Variants in ZNF248 observed in about 807,000 individuals in gnomAD.
ZNF248 encodes the protein zinc finger protein 248.
ZNF248 carries 20 observed loss-of-function variants against 44.3 expected under a neutral mutation model. The observed-to-expected ratio is 0.45, with a 90% CI of 0.32 to 0.66. The LOEUF (loss-of-function observed/expected upper bound fraction) is 0.66, where lower values mean the gene tolerates loss of function less well. Among genes scored for constraint, ZNF248 ranks in the 30% least tolerant of loss-of-function variants. ZNF248 has a pLI of 0.04. For synonymous variants in ZNF248, 224 were observed against 229.0 expected, an observed-to-expected ratio of 0.98 and a Z score of 0.20; for missense variants, 654 against 677.0, an observed-to-expected ratio of 0.97 and a Z score of 0.38.
chr10:37,769,544 C>G, the ZNF248 span, among the ~76,000 whole-genome samples: 1 of 152,136 alleles, frequency 6.6e-6, no homozygotes, highest in Non-Finnish European at 1.5e-5. Flanking sequence ...TCAATAGATG[C>G]AGAAAAGGCC....
At chr10:37,788,395 T>A (rs895745689) in intron 6 of ZNF248, among the ~76,000 whole-genome samples, 1 of 150,790 alleles carries the variant, frequency 6.6e-6, no homozygotes, top group Non-Finnish European at 1.5e-5. Context: ...CTGAGGCAGG[T>A]GGATCACCTG....
rs1048229125 is a variant in ZNF248 at position 37,837,609 on chromosome 10, T to C, written c.238+8A>G. The C allele has an allele frequency of 6.2e-7, 1 of 1,611,598 alleles. No individual in the cohort carries two copies. The highest frequency in any genetic ancestry group is 8.5e-7 in the Non-Finnish European group (1 of 1,178,640). On this transcript the variant is annotated splice_region_variant and intron_variant, in intron 5 of 5. Coordinates refer to ENST00000395867, the MANE Select transcript of ZNF248 (RefSeq NM_021045.3). ...CTGGCTTTCATCTGCCAGAAATCAC[T>C]AACTCACCTGGGTGGCACTGGCTTG...
chr10:37,829,777 T>A lies in ZNF248; in HGVS notation c.*1838A>T, dbSNP rs2055128240. 1.0e-6 allele frequency: 1 copy of A among 985,296 alleles called. No homozygotes were observed. Among genetic ancestry groups the A allele is most frequent in the Non-Finnish European group, 1.2e-6 (1 of 829,938 alleles). 61.0% of individuals were successfully genotyped at this position (985,296 alleles called of 1,614,324 possible). On this transcript the variant is annotated 3_prime_UTR_variant, in exon 6 of 6. Transcript: ENST00000395867. ...CTTCTCATGTCATGACAATGTTGTA[T>A]CAAGGAGATCTTTCCCAGAAGTACT... is the stretch of plus-strand genomic sequence containing the variant.
chr10:37,795,290 G>C (rs1449328830), intron 6 of ZNF248: 2 of 152,082 alleles, frequency 1.3e-5, no homozygotes, highest in Non-Finnish European at 2.9e-5. Flanking sequence ...AGTAACCAAA[G>C]GTCTTCCCAA....
intron 3 of ZNF248, among the ~76,000 whole-genome samples, chr10:37,851,352 T>TTC (rs1368830880): frequency 6.6e-5 from 10 of 152,180 alleles, no homozygotes; most frequent in Non-Finnish European, 1.2e-4. Flanking sequence ...GGAATCTACA[T>TTC]TAATTAGCTT....
At chr10:37,812,091 G>A (rs2051603390) in intron 6 of ZNF248, among the ~76,000 whole-genome samples, 2 of 151,924 alleles carry the variant, frequency 1.3e-5, no homozygotes, top group Non-Finnish European at 1.5e-5. Context: ...ACAAAAATTA[G>A]CCGGTCATGG....
chr10:37,856,802 G>A, intron 1 of ZNF248: 1 of 846,218 alleles, frequency 1.2e-6, no homozygotes, highest in Non-Finnish European at 1.4e-6. Context: ...ATCTTTTAAT[G>A]AGAAACTGTG....
chr10:37,769,167 A>C, the ZNF248 span, among the ~76,000 whole-genome samples: 1 of 152,220 alleles, frequency 6.6e-6, no homozygotes, highest in Non-Finnish European at 1.5e-5. Flanking sequence ...AACCAGAAGG[A>C]ATCACAGCCG....
intron 5 of ZNF248, among the ~76,000 whole-genome samples, chr10:37,836,771 TACACACACACAC>T (rs72082671): frequency 0.06 from 8,976 of 148,468 alleles, 334 homozygotes; most frequent in Middle Eastern, 0.099. Flanking sequence ...CACAGACATG[TACACACACACAC>T]ACACACACAC....
chr10:37,823,996 A>G (rs543398410), downstream of ZNF248, among the ~76,000 whole-genome samples: 7 of 152,298 alleles, frequency 4.6e-5, no homozygotes, highest in Middle Eastern at 3.4e-3. Context: ...AGTTTTCCAG[A>G]AAAATTGAAC....
chr10:37,828,649 GA>G, downstream of ZNF248: 2 of 981,296 alleles, frequency 2.0e-6, no homozygotes, highest in Non-Finnish European at 2.4e-6. Flanking sequence ...TCTATTACTA[GA>G]AGAATGCAGA....
At chr10:37,795,085 T>A (rs1376497583) in intron 6 of ZNF248, 1 of 152,268 alleles carries the variant, frequency 6.6e-6, no homozygotes, top group Non-Finnish European at 1.5e-5. Flanking sequence ...GTTTCTCTAC[T>A]GTGTCAATTC....
chr10:37,813,412 C>T (rs149180046), intron 6 of ZNF248, among the ~76,000 whole-genome samples: 3 of 152,096 alleles, frequency 2.0e-5, no homozygotes, highest in East Asian at 1.9e-4. Flanking sequence ...AGTTATACCA[C>T]GTGTGTTTGC....
At position 37,831,175 on chromosome 10, in the gene ZNF248, T is replaced by A; in HGVS notation, c.*440A>T. The A allele has an allele frequency of 1.3e-6, 2 of 1,531,762 alleles. No homozygotes were observed. Among genetic ancestry groups the A allele is most frequent in the Non-Finnish European group, 1.8e-6 (2 of 1,137,372 alleles). 94.9% of individuals were successfully genotyped at this position (1,531,762 alleles called of 1,614,324 possible). On this transcript the variant is annotated 3_prime_UTR_variant, in exon 6 of 6. Coordinates refer to ENST00000395867, the MANE Select transcript of ZNF248 (RefSeq NM_021045.3). ...GGTACGTATCTTCTCCTTATGATCA[T>A]GTTGAGTTCCAATATACAAATCAAG...
chr10:37,776,917 G>A (rs564414934), intron 6 of ZNF248, among the ~76,000 whole-genome samples: 1 of 152,280 alleles, frequency 6.6e-6, no homozygotes, highest in South Asian at 2.1e-4. Context: ...ATGGAAGACA[G>A]TCACATAAAG....
At chr10:37,794,632 A>G (rs188987007) in intron 6 of ZNF248, 84 of 160,358 alleles carry the variant, frequency 5.2e-4, no homozygotes, top group Non-Finnish European at 6.1e-4. Flanking sequence ...TAACTTTGCA[A>G]AAAAGGTTAT....
intron 6 of ZNF248, among the ~76,000 whole-genome samples, chr10:37,781,096 C>A (rs1295381066): frequency 6.6e-6 from 1 of 152,114 alleles, no homozygotes; most frequent in African/African-American, 2.4e-5. Flanking sequence ...CTACCCAGAA[C>A]CCTAGAATGT....
the ZNF248 span, among the ~76,000 whole-genome samples, chr10:37,764,773 G>T: frequency 2.0e-5 from 3 of 152,124 alleles, no homozygotes; most frequent in Non-Finnish European, 4.4e-5. Context: ...AAGATCATCA[G>T]AAAAAGTTAA....
chr10:37,837,334 C>T (rs1449297332), intron 5 of ZNF248, among the ~76,000 whole-genome samples: 1 of 152,028 alleles, frequency 6.6e-6, no homozygotes, highest in Non-Finnish European at 1.5e-5. Flanking sequence ...AGAACAGTCT[C>T]GATCTCTTGA....
Sources: gnomAD v4.1 joint callset for allele counts (sites outside exome capture counted in the v4.1 genomes callset) on GRCh38, gnomAD v4.1.1 for gene constraint, MANE v1.5 for transcripts, NCBI Gene and HGNC (gene_info 2026-07-23, HGNC 2026-07-21) for gene names.